IL2RB: variants seen among roughly 807,000 people sequenced by gnomAD.
IL2RB encodes the protein interleukin 2 receptor subunit beta, also known as interleukin-2 receptor subunit beta.
IL2RB carries 17 observed loss-of-function variants against 44.2 expected under a neutral mutation model. That is an observed-to-expected ratio of 0.38 (90% CI 0.26 to 0.58). The LOEUF is 0.58. Among genes scored for constraint, IL2RB ranks in the 20% least tolerant of loss-of-function variants. The pLI is 0.63. For synonymous variants in IL2RB, 286 were observed against 297.9 expected, an observed-to-expected ratio of 0.96 and a Z score of 0.41; for missense variants, 624 against 685.5, an observed-to-expected ratio of 0.91 and a Z score of 1.00.
chr22:37,131,692 G>A (rs1336537867), intron 9 of IL2RB, among the ~76,000 whole-genome samples: 1 of 152,180 alleles, frequency 6.6e-6, no homozygotes, highest in Non-Finnish European at 1.5e-5. Context: ...TGTGCTGGCA[G>A]GTCCTGTTCG....
rs191912152 is a variant in IL2RB, at chr22:37,133,739, C to A, written c.819-1271G>T. Among the ~76,000 whole-genome samples the A allele has an allele frequency of 9.2e-5, 14 of 152,340 alleles. No individual in the cohort carries two copies. The East Asian group carries it at 2.7e-3, about 29-fold the overall frequency. ...AAACCCTCCATGACTGCTCGGCACA[C>A]GGCCCAGGTCCTCACCACAGCCTGA... On this transcript the variant is annotated intron_variant, in intron 8 of 9. Coordinates refer to ENST00000216223, the MANE Select transcript of IL2RB (RefSeq NM_000878.5).
chr22:37,162,432 A>C (rs1277016818), intron 1 of IL2RB, among the ~76,000 whole-genome samples: 1 of 152,126 alleles, frequency 6.6e-6, no homozygotes, highest in African/African-American at 2.4e-5. Context: ...AGGCTACCTA[A>C]ATGCGCACTT....
rs1922399007 is a variant in IL2RB, at chr22:37,149,811, C to T, written c.-34+14G>A. On this transcript the variant is annotated intron_variant, in intron 1 of 9. Transcript: ENST00000216223. ...TGGTCCACAGGGGCCGGGAGGGAGGCAGGGGGACATCACCTGGCTGAGACA... is the reference window on the plus strand; with the variant it reads ...TGGTCCACAGGGGCCGGGAGGGAGGTAGGGGGACATCACCTGGCTGAGACA... 1.0e-6 allele frequency: 1 copy of T among 983,016 alleles called. No homozygotes were observed. The highest frequency in any genetic ancestry group is 1.2e-6 in the Non-Finnish European group (1 of 827,768). The allele number at this position is 983,016 out of a possible 1,614,324, so 60.9% of individuals were successfully genotyped here.
chr22:37,171,253 G>T (rs1161594255), intron 1 of IL2RB, among the ~76,000 whole-genome samples: 1 of 152,020 alleles, frequency 6.6e-6, no homozygotes, highest in Non-Finnish European at 1.5e-5. Flanking sequence ...AAAGTGCTGG[G>T]ATTACAGTTG....
At chr22:37,146,751 G>A (rs758735055) in intron 1 of IL2RB, among the ~76,000 whole-genome samples, 4 of 152,188 alleles carry the variant, frequency 2.6e-5, no homozygotes, top group Admixed American at 6.5e-5. Context: ...ACAGGGCCGG[G>A]CACACAGTCG....
chr22:37,128,197 G>GGCCATCTGTCTACA lies in IL2RB; in HGVS notation c.1554_1555insTGTAGACAGATGGC (p.Gln519CysfsTer18). On this transcript the variant is annotated frameshift_variant, in exon 10 of 10. Coordinates refer to ENST00000216223, the MANE Select transcript of IL2RB (RefSeq NM_000878.5). LOFTEE classifies it low-confidence loss of function (END_TRUNC). The surrounding 1 kb of genome is among the most constrained non-coding windows in gnomAD (Gnocchi z 4.5). Reference sequence around the variant, plus strand: ...GCATTAAGGGCCCTGAACTCCCCCTGCCCAGGAGGCCTGGACCAGGGGAAA... The same window carrying GGCCATCTGTCTACA: ...GCATTAAGGGCCCTGAACTCCCCCTGGCCATCTGTCTACACCCAGGAGGCCTGGACCAGGGGAAA... 1 of 1,529,626 alleles carries GGCCATCTGTCTACA rather than the reference G, an allele frequency of 6.5e-7. No homozygotes were observed. The highest frequency in any genetic ancestry group is 8.7e-7 in the Non-Finnish European group (1 of 1,143,018). 94.8% of individuals were successfully genotyped at this position (1,529,626 alleles called of 1,614,324 possible). A position where few individuals can be genotyped will look rare whatever the true frequency, so the allele number is the denominator to read the frequency against.
chr22:37,142,565 G>A (rs1363599046), intron 3 of IL2RB, 53 bp from the exon 4 acceptor site: 1 of 1,553,140 alleles, frequency 6.4e-7, no homozygotes, highest in Admixed American at 1.7e-5. Context: ...CACACAGCTG[G>A]CCCAAGGGAC....
chr22:37,156,555 C>T (rs1922686389), intron 1 of IL2RB, among the ~76,000 whole-genome samples: 1 of 152,196 alleles, frequency 6.6e-6, no homozygotes, highest in Non-Finnish European at 1.5e-5. Flanking sequence ...TCAAGCTCCA[C>T]CCATCACCTC....
At chr22:37,148,474 G>C (rs925648247) in intron 1 of IL2RB, among the ~76,000 whole-genome samples, 1 of 152,142 alleles carries the variant, frequency 6.6e-6, no homozygotes, top group Non-Finnish European at 1.5e-5. Flanking sequence ...CTCTGAAACT[G>C]GTCACACCCA....
chr22:37,126,694 G>T lies in IL2RB; in HGVS notation c.*1402C>A, dbSNP rs1429495194. Reference sequence around the variant, plus strand: ...AGGGCTCCCAGGTCAGAGTTAGCTGGGACTGGGGTCACTGTCCTGCTGGGG... The same window carrying T: ...AGGGCTCCCAGGTCAGAGTTAGCTGTGACTGGGGTCACTGTCCTGCTGGGG... On this transcript the variant is annotated 3_prime_UTR_variant, in exon 10 of 10. Coordinates refer to ENST00000216223, the MANE Select transcript of IL2RB (RefSeq NM_000878.5). 1.3e-5 allele frequency: 2 copies of T among 152,382 alleles called. No individual in the cohort carries two copies. The highest frequency in any genetic ancestry group is 1.9e-4 in the East Asian group (1 of 5,196). 9.4% of individuals were successfully genotyped at this position (152,382 alleles called of 1,614,324 possible). A position where few individuals can be genotyped will look rare whatever the true frequency, so the allele number is the denominator to read the frequency against.
At chr22:37,154,059 G>A (rs1278694222), upstream of IL2RB, among the ~76,000 whole-genome samples, 2 of 152,192 alleles carry the variant, frequency 1.3e-5, no homozygotes, top group East Asian at 3.8e-4. Context: ...GGAAGCCTGA[G>A]GCGCGCAGCC....
rs554006847 is a variant in IL2RB at position 37,136,331 on chromosome 22, T to C, written c.600A>G (p.Pro200=). ...GCACCTGAAACTCATACTGGGTGTC[T>C]GGGGTGAGCGTCTCCAGGCAGATCC... is the stretch of plus-strand genomic sequence containing the variant. ...QEWICLETLT[P]DTQYEFQVRV... Residue 200 remains proline, a synonymous_variant, in exon 7 of 10, where the codon CCA becomes CCG. Coordinates refer to ENST00000216223, the MANE Select transcript of IL2RB (RefSeq NM_000878.5). 1.9e-6 allele frequency: 3 copies of C among 1,613,148 alleles called. No individual in the cohort carries two copies. Among genetic ancestry groups the C allele is most frequent in the South Asian group, 1.1e-5 (1 of 90,826 alleles).
intron 1 of IL2RB, among the ~76,000 whole-genome samples, chr22:37,159,403 C>G (rs1362191902): frequency 6.6e-6 from 1 of 152,094 alleles, no homozygotes; most frequent in Non-Finnish European, 1.5e-5. Flanking sequence ...TCCGTCAGGC[C>G]TGGCACCAGA....
intron 1 of IL2RB, among the ~76,000 whole-genome samples, chr22:37,161,526 A>G (rs1252375529): frequency 1.3e-5 from 2 of 151,944 alleles, no homozygotes; most frequent in African/African-American, 4.8e-5. Flanking sequence ...TCCAGACCTC[A>G]GGCTGGGAAA....
rs534219715 is a variant in IL2RB, at chr22:37,133,953, C to A, written c.818+1375G>T. Among the ~76,000 whole-genome samples, 14 of 152,268 alleles carry A rather than the reference C, an allele frequency of 9.2e-5. No homozygotes were observed. In the South Asian group the frequency reaches 2.9e-3, roughly 32 times the overall value. On this transcript the variant is annotated intron_variant, in intron 8 of 9. Transcript: ENST00000216223. Reference sequence around the variant, plus strand: ...GGACACTCTCCCCATCCCCTCCACACCCCCCATGGGCTCCCACTACAGATT... The same window carrying A: ...GGACACTCTCCCCATCCCCTCCACAACCCCCATGGGCTCCCACTACAGATT...
At chr22:37,149,987 G>A (rs1181773907), upstream of IL2RB, 1 of 876,520 alleles carries the variant, frequency 1.1e-6, no homozygotes, top group Non-Finnish European at 1.4e-6. Context: ...GAGGGGCAAG[G>A]CCTGGGGTGG....
At chr22:37,139,288 C>T (rs2281093) in intron 4 of IL2RB, 66 bp from the exon 5 acceptor site, 5 of 1,079,888 alleles carry the variant, frequency 4.6e-6, no homozygotes, top group East Asian at 2.6e-5. Context: ...GGGAGGCCAC[C>T]GGGATGACCT....
rs1240435421 is a variant in IL2RB, at chr22:37,137,751, G to C, written c.389-16C>G. 6.2e-7 allele frequency: 1 copy of C among 1,611,374 alleles called. No homozygotes were observed. Among genetic ancestry groups the C allele is most frequent in the Non-Finnish European group, 8.5e-7 (1 of 1,177,906 alleles). ...ATCAGGCGAACTGGAGACAACAGGG[G>C]GTAGGGGAGAGCAGTCAGCCATGAC... On this transcript the variant is annotated splice_polypyrimidine_tract_variant and intron_variant, in intron 5 of 9. Transcript: ENST00000216223.
chr22:37,173,987 C>A (rs946607405), intron 1 of IL2RB, among the ~76,000 whole-genome samples: 1 of 152,208 alleles, frequency 6.6e-6, no homozygotes, highest in African/African-American at 2.4e-5. Flanking sequence ...GAAATGTGAA[C>A]CAACTGGACT....
Sources: gnomAD v4.1 joint callset for allele counts (sites outside exome capture counted in the v4.1 genomes callset) on GRCh38, gnomAD v4.1.1 for gene constraint, Gnocchi (gnomAD v3.1) non-coding constraint, MANE v1.5 for transcripts, NCBI Gene and HGNC (gene_info 2026-07-23, HGNC 2026-07-21) for gene names.